Variants in NOX4 observed in about 807,000 individuals in gnomAD.
NOX4 encodes the protein kidney oxidase-1.
A neutral mutation model predicts 87.6 loss-of-function variants in NOX4; 69 were observed. That is an observed-to-expected ratio of 0.79 (90% CI 0.65 to 0.96). NOX4 has a LOEUF of 0.96. NOX4 is among the 40% of genes least tolerant of loss of function. NOX4 has a pLI of 0.00. For synonymous variants in NOX4, 275 were observed against 238.2 expected (o/e 1.15, Z -1.42); for missense variants, 680 against 681.5 (o/e 1.00, Z 0.02).
At chr11:89,450,294 T>C (rs1944900999) in intron 3 of NOX4, among the ~76,000 whole-genome samples, 1 of 152,200 alleles carries the variant, frequency 6.6e-6, no homozygotes, top group Admixed American at 6.5e-5. Context: ...TAGAAAGGGT[T>C]GAGAAGTTTT....
chr11:89,499,995 T>C (rs890434159), upstream of NOX4, among the ~76,000 whole-genome samples: 4 of 152,144 alleles, frequency 2.6e-5, no homozygotes, highest in Admixed American at 2.6e-4. Context: ...GAATGTAACA[T>C]CTGTACTTCA....
chr11:89,479,939 G>A (rs935864703), intron 2 of NOX4, among the ~76,000 whole-genome samples: 4 of 152,086 alleles, frequency 2.6e-5, no homozygotes, highest in African/African-American at 9.7e-5. Flanking sequence ...TGGGGGATTG[G>A]TTCCAGGATC....
At chr11:89,494,770 A>G (rs1017856057), upstream of NOX4, among the ~76,000 whole-genome samples, 7 of 152,242 alleles carry the variant, frequency 4.6e-5, no homozygotes, top group Non-Finnish European at 8.8e-5. Context: ...AGGTTAAACG[A>G]TAGGAATTTA....
intron 2 of NOX4, among the ~76,000 whole-genome samples, chr11:89,483,280 A>G (rs1946467779): frequency 6.6e-6 from 1 of 152,094 alleles, no homozygotes; most frequent in Non-Finnish European, 1.5e-5. Flanking sequence ...TGATCTACCA[A>G]TCTATATGAT....
Position 89,478,104 on chromosome 11 carries a change from G to A in NOX4, c.153+12354C>T, listed in dbSNP as rs114458649. On this transcript the variant is annotated intron_variant, in intron 2 of 17. Coordinates refer to ENST00000263317, the MANE Select transcript of NOX4 (RefSeq NM_016931.5). ...ATAAATTTGTCTACTATAACTTGCC[G>A]TTAGGATGAAGGGAATTAACACTTT... 3.1e-3 allele frequency among the ~76,000 whole-genome samples: 473 copies of A among 152,004 alleles called. 3 individuals carry two copies. Among genetic ancestry groups the A allele is most frequent in the African/African-American group, 0.01 (432 of 41,466 alleles).
At chr11:89,490,878 A>C (rs1171213421) in intron 1 of NOX4, 1 of 701,122 alleles carries the variant, frequency 1.4e-6, no homozygotes. Context: ...GTAATCTGGG[A>C]AAAGAACAAA....
chr11:89,461,647 A>AAAATAAATAAATAAATAAATAAATAAAT (rs60340385), intron 2 of NOX4, among the ~76,000 whole-genome samples: 90 of 145,704 alleles, frequency 6.2e-4, no homozygotes, highest in African/African-American at 9.3e-4. Flanking sequence ...TCCATCTCAA[A>AAAATAAATAAATAAATAAATAAATAAAT]AAATAAATAA....
chr11:89,341,412 T>C (rs1167574018), intron 14 of NOX4, among the ~76,000 whole-genome samples: 1 of 152,104 alleles, frequency 6.6e-6, no homozygotes, highest in Non-Finnish European at 1.5e-5. Flanking sequence ...TGTGAGCCAA[T>C]GTGCCCGGCC....
chr11:89,329,385 A>G (rs1214847377), intron 17 of NOX4, among the ~76,000 whole-genome samples: 1 of 148,762 alleles, frequency 6.7e-6, no homozygotes, highest in Non-Finnish European at 1.5e-5. Flanking sequence ...AGAACAGAGC[A>G]TAAGTGGCCT....
chr11:89,387,763 C>T lies in NOX4; in HGVS notation c.1074+12254G>A, dbSNP rs186911775. Among the ~76,000 whole-genome samples the T allele has an allele frequency of 7.6e-4, 115 of 152,234 alleles. 1 individual carries two copies. The highest frequency in any genetic ancestry group is 6.5e-3 in the Admixed American group (99 of 15,282). Reference sequence around the variant, plus strand: ...AAGCACTAGGTTTCTTGCTCTCTTACGTTAGGGCTTTTTCCAATCATCTCT... The same window carrying T: ...AAGCACTAGGTTTCTTGCTCTCTTATGTTAGGGCTTTTTCCAATCATCTCT... On this transcript the variant is annotated intron_variant, in intron 11 of 17. Coordinates refer to ENST00000263317, the MANE Select transcript of NOX4 (RefSeq NM_016931.5).
Position 89,417,369 on chromosome 11 carries a change from T to C in NOX4, c.629+4533A>G, listed in dbSNP as rs553677190. 8.7e-4 allele frequency among the ~76,000 whole-genome samples: 132 copies of C among 152,262 alleles called. 1 individual carries two copies. Among genetic ancestry groups the C allele is most frequent in the Middle Eastern group, 3.4e-3 (1 of 294 alleles). On this transcript the variant is annotated intron_variant, in intron 8 of 17. Transcript: ENST00000263317. ...TGTTTGGAAAGAGGAAATGGTTTTG[T>C]TTTGTTTTGTTTTCACCAGGTATCT...
At chr11:89,455,184 TCCTAG>T (rs1945133979) in intron 2 of NOX4, among the ~76,000 whole-genome samples, 1 of 152,126 alleles carries the variant, frequency 6.6e-6, no homozygotes, top group African/African-American at 2.4e-5. Flanking sequence ...ACCCCTATAG[TCCTAG>T]CCAGCACCAT....
chr11:89,402,396 G>A lies in NOX4; in HGVS notation c.776C>T (p.Ala259Val), dbSNP rs1941914226. The A allele has an allele frequency of 6.2e-7, 1 of 1,612,948 alleles. No individual in the cohort carries two copies. The highest frequency in any genetic ancestry group is 1.3e-5 in the African/African-American group (1 of 74,812). The change falls in exon 9 of 18, where the codon GCA (alanine) becomes GTA (valine). Residue 259 changes from alanine (A) to valine (V), a missense_variant. Ala to Val is a moderately conservative substitution (Grantham distance 64). Transcript: ENST00000263317. The stretch of plus-strand genomic sequence containing the variant: ...CACAAATTTGTGCTGGGTAAACTCT[G>A]CCGGTTTTGAAAATCCTTCAGGGAA... ...EPFPEGFSKP[A>V]EFTQHKFVKI...
chr11:89,580,035 C>G, the NOX4 span, among the ~76,000 whole-genome samples: 6 of 151,988 alleles, frequency 3.9e-5, no homozygotes, highest in African/African-American at 1.4e-4. Context: ...GAAATGATCA[C>G]GAGGACTTTA....
At chr11:89,566,282 C>T in the NOX4 span, among the ~76,000 whole-genome samples, 2,372 of 152,026 alleles carry the variant, frequency 0.016, 56 homozygotes, top group African/African-American at 0.054. Context: ...TGACCTTGTG[C>T]TCCCCGCCCT....
the NOX4 span, among the ~76,000 whole-genome samples, chr11:89,582,528 A>C: frequency 1.3e-5 from 2 of 152,070 alleles, no homozygotes; most frequent in Non-Finnish European, 2.9e-5. Context: ...TATTCCCCAC[A>C]AAACTTGTCT....
the NOX4 span, among the ~76,000 whole-genome samples, chr11:89,562,825 C>T: frequency 5.3e-5 from 8 of 152,174 alleles, no homozygotes; most frequent in South Asian, 1.5e-3. Context: ...CCATTTGGCT[C>T]TGTGTCTCCA....
At chr11:89,467,574 C>T (rs890216183) in intron 2 of NOX4, among the ~76,000 whole-genome samples, 1 of 152,018 alleles carries the variant, frequency 6.6e-6, no homozygotes, top group Non-Finnish European at 1.5e-5. Flanking sequence ...TAGACAGTGC[C>T]TTCTGCTAGC....
chr11:89,339,667 A>G (rs1006102000), intron 15 of NOX4, among the ~76,000 whole-genome samples: 6 of 152,174 alleles, frequency 3.9e-5, no homozygotes, highest in African/African-American at 1.4e-4. Context: ...GATGGCAATC[A>G]AGGGTAAGTG....
Sources: allele counts gnomAD v4.1 joint callset (sites outside exome capture counted in the v4.1 genomes callset), GRCh38; gene constraint gnomAD v4.1.1; transcripts MANE v1.5; gene names NCBI Gene and HGNC (gene_info 2026-07-23, HGNC 2026-07-21).